Variants in TAFA4 observed in about 807,000 individuals in gnomAD.
TAFA4 encodes the protein TAFA chemokine like family member 4.
In TAFA4, 20 loss-of-function variants were observed where a neutral mutation model predicts 21.1. That is an observed-to-expected ratio of 0.95 (90% confidence interval 0.67 to 1.38). The LOEUF is 1.38. Among genes scored for constraint, TAFA4 ranks in the 40% most tolerant of loss-of-function variants. The pLI is 0.00. For missense variants in TAFA4, 211 were observed against 180.9 expected (o/e 1.17, Z -0.95); for synonymous variants, 71 against 67.4 (o/e 1.05, Z -0.26).
intron 3 of TAFA4, among the ~76,000 whole-genome samples, chr3:68,873,374 A>ACACC (rs1553649875): frequency 5.0e-4 from 70 of 140,378 alleles, no homozygotes; most frequent in African/African-American, 1.7e-3. Flanking sequence ...ACACACACAC[A>ACACC]CACCCTGGGC....
At chr3:68,796,622 G>A (rs1236612373) in intron 3 of TAFA4, among the ~76,000 whole-genome samples, 2 of 151,962 alleles carry the variant, frequency 1.3e-5, no homozygotes. Context: ...AGCAACAAAA[G>A]AAAAAATAAA....
chr3:68,931,945 C>A (rs1214557331), intron 1 of TAFA4, among the ~76,000 whole-genome samples: 2 of 152,210 alleles, frequency 1.3e-5, no homozygotes, highest in African/African-American at 4.8e-5. Flanking sequence ...AGCAGAGCAC[C>A]CCCGGGGATT....
At chr3:68,863,896 T>A (rs970830885) in intron 3 of TAFA4, among the ~76,000 whole-genome samples, 1 of 152,102 alleles carries the variant, frequency 6.6e-6, no homozygotes, top group Non-Finnish European at 1.5e-5. Context: ...GAACAATGTA[T>A]AATGAGCACT....
chr3:68,736,641 A>T (rs894400454), intron 5 of TAFA4, among the ~76,000 whole-genome samples: 1 of 152,110 alleles, frequency 6.6e-6, no homozygotes, highest in Non-Finnish European at 1.5e-5. Flanking sequence ...CTCTAGGGAG[A>T]CAATTGCTCT....
chr3:68,860,692 T>G (rs1369966104), intron 3 of TAFA4, among the ~76,000 whole-genome samples: 1 of 152,090 alleles, frequency 6.6e-6, no homozygotes, highest in Admixed American at 6.5e-5. Flanking sequence ...TAAAATACAC[T>G]ACTCAAAAAT....
chr3:68,760,630 A>C (rs558691054), intron 3 of TAFA4, among the ~76,000 whole-genome samples: 88 of 152,268 alleles, frequency 5.8e-4, no homozygotes, highest in African/African-American at 1.9e-3. Context: ...TTTTCAGCCT[A>C]TCTCTCCACG....
chr3:68,824,217 T>G (rs11921173), intron 3 of TAFA4, among the ~76,000 whole-genome samples: 15,445 of 152,264 alleles, frequency 0.1, 926 homozygotes, highest in African/African-American at 0.16. Flanking sequence ...TACCACAAAT[T>G]TAGTGGCTTA....
intron 2 of TAFA4, among the ~76,000 whole-genome samples, chr3:68,882,316 C>A (rs984706767): frequency 6.8e-6 from 1 of 147,954 alleles, no homozygotes; most frequent in Non-Finnish European, 1.5e-5. Context: ...TTTGTTTGAT[C>A]TGTGCTTTAA....
chr3:68,896,749 G>A (rs1052085572), intron 1 of TAFA4, among the ~76,000 whole-genome samples: 2 of 152,138 alleles, frequency 1.3e-5, no homozygotes, highest in Admixed American at 1.3e-4. Context: ...CTCTAAATGG[G>A]GTCCTCTCAC....
intron 3 of TAFA4, among the ~76,000 whole-genome samples, chr3:68,846,148 C>T (rs936096128): frequency 1.3e-5 from 2 of 152,126 alleles, no homozygotes; most frequent in South Asian, 2.1e-4. Flanking sequence ...CTTTCAGGTA[C>T]ACCAATCAAA....
At position 68,733,027 on chromosome 3, in the gene TAFA4, T is replaced by C. The variant is rs748392879; in HGVS notation, c.*115A>G. 12 of 1,394,676 alleles carry C rather than the reference T, an allele frequency of 8.6e-6. No homozygotes were observed. The highest frequency in any genetic ancestry group is 1.8e-4 in the Middle Eastern group (1 of 5,456). The allele number at this position is 1,394,676 out of a possible 1,614,324, so 86.4% of individuals were successfully genotyped here. A position where few individuals can be genotyped will look rare whatever the true frequency, so the allele number is the denominator to read the frequency against. On this transcript the variant is annotated 3_prime_UTR_variant, in exon 6 of 6. Coordinates refer to ENST00000295569, the MANE Select transcript of TAFA4 (RefSeq NM_182522.5). ...ACCTCTCACAGCTCACATATACAAA[T>C]ATGAAGTTGCTGAAATCCTAGACAA...
intron 4 of TAFA4, among the ~76,000 whole-genome samples, chr3:68,751,093 G>T (rs540029629): frequency 5.9e-5 from 9 of 152,300 alleles, no homozygotes; most frequent in African/African-American, 1.9e-4. Flanking sequence ...GGGGAGGAGG[G>T]CAATGATTCA....
intron 3 of TAFA4, among the ~76,000 whole-genome samples, chr3:68,846,233 A>T (rs571601457): frequency 1.3e-5 from 2 of 151,652 alleles, no homozygotes; most frequent in Non-Finnish European, 2.9e-5. Context: ...TTTTTCCTCT[A>T]ATCTTGTCTT....
chr3:68,910,154 A>T (rs1256978097), intron 1 of TAFA4, among the ~76,000 whole-genome samples: 1 of 152,232 alleles, frequency 6.6e-6, no homozygotes, highest in African/African-American at 2.4e-5. Context: ...AGTTTTATAT[A>T]ACATAATCAT....
At chr3:68,886,021 G>T (rs189617562) in intron 1 of TAFA4, among the ~76,000 whole-genome samples, 40 of 152,260 alleles carry the variant, frequency 2.6e-4, no homozygotes, top group African/African-American at 8.9e-4. Context: ...TTGTAAAGAT[G>T]CTAAGTTAAA....
chr3:68,755,761 G>A (rs12163576), intron 3 of TAFA4, among the ~76,000 whole-genome samples: 31,107 of 152,092 alleles, frequency 0.2, 4,004 homozygotes, highest in East Asian at 0.61. Context: ...GACAATAGCC[G>A]AGTCAGTAAA....
intron 3 of TAFA4, among the ~76,000 whole-genome samples, chr3:68,861,666 C>T (rs1447553285): frequency 6.6e-6 from 1 of 151,952 alleles, no homozygotes; most frequent in Non-Finnish European, 1.5e-5. Context: ...GCAGAGTGAG[C>T]CAACCCCCCC....
intron 3 of TAFA4, among the ~76,000 whole-genome samples, chr3:68,873,337 T>TACACACACACACACACACACAC (rs34998311): frequency 0.012 from 1,620 of 133,436 alleles, 56 homozygotes; most frequent in East Asian, 0.053. Context: ...CACGCAGACA[T>TACACACACACACACACACACAC]ACACACACAC....
intron 1 of TAFA4, among the ~76,000 whole-genome samples, chr3:68,898,700 C>A (rs1055378723): frequency 1.3e-5 from 2 of 152,122 alleles, no homozygotes; most frequent in Non-Finnish European, 2.9e-5. Flanking sequence ...AAATATCGGA[C>A]CAATCAAGCA....
Sources: allele counts gnomAD v4.1 joint callset (sites outside exome capture counted in the v4.1 genomes callset), GRCh38; gene constraint gnomAD v4.1.1; transcripts MANE v1.5; gene names NCBI Gene and HGNC (gene_info 2026-07-23, HGNC 2026-07-21).